MYSM1: variants seen among roughly 807,000 people sequenced by gnomAD.
The protein encoded by MYSM1 is deubiquitinase MYSM1.
MYSM1 carries 51 observed loss-of-function variants against 116.0 expected under a neutral mutation model. The observed-to-expected ratio is 0.44, with a 90% CI of 0.35 to 0.56. The LOEUF is 0.56. Among genes scored for constraint, MYSM1 ranks in the 20% least tolerant of loss-of-function variants. The pLI, the probability that MYSM1 is intolerant of heterozygous loss-of-function variation, is 0.00. For missense variants in MYSM1, 900 were observed against 974.9 expected (o/e 0.92, Z 1.02); for synonymous variants, 313 against 315.2 (o/e 0.99, Z 0.07).
intron 1 of MYSM1, among the ~76,000 whole-genome samples, chr1:58,695,981 T>G (rs1320202840): frequency 1.3e-5 from 2 of 152,200 alleles, no homozygotes; most frequent in Non-Finnish European, 2.9e-5. Flanking sequence ...TGTCTAGTGA[T>G]AAGAATTTTC....
chr1:58,666,234 A>G (rs1046444973), intron 16 of MYSM1, among the ~76,000 whole-genome samples: 2 of 152,182 alleles, frequency 1.3e-5, no homozygotes, highest in Non-Finnish European at 2.9e-5. Context: ...AATTGTATTC[A>G]CCACCCTACA....
intron 1 of MYSM1, among the ~76,000 whole-genome samples, chr1:58,698,102 A>ATATATATTTTTTTTTTTTTT: frequency 3.9e-4 from 3 of 7,776 alleles, no homozygotes; most frequent in African/African-American, 5.1e-4. Context: ...ATATATATAT[A>ATATATATTTTTTTTTTTTTT]TTTTTTTTTT....
chr1:58,661,562 A>C, intron 17 of MYSM1, 51 bp from the exon 18 acceptor site: 1 of 1,029,880 alleles, frequency 9.7e-7, no homozygotes, highest in Non-Finnish European at 1.5e-6. Context: ...TTAACTCTCC[A>C]ATCTCCTTTT....
At chr1:58,692,212 G>C (rs557708180) in intron 3 of MYSM1, among the ~76,000 whole-genome samples, 2 of 152,298 alleles carry the variant, frequency 1.3e-5, no homozygotes, top group African/African-American at 2.4e-5. Flanking sequence ...AGTGGGAACA[G>C]AGAAATTCTG....
intron 17 of MYSM1, among the ~76,000 whole-genome samples, chr1:58,662,945 T>G (rs1386062009): frequency 6.6e-6 from 1 of 152,162 alleles, no homozygotes; most frequent in African/African-American, 2.4e-5. Flanking sequence ...ATGGATACCA[T>G]CTATATAATG....
chr1:58,666,091 TA>T (rs993102921), intron 16 of MYSM1, among the ~76,000 whole-genome samples: 1 of 151,900 alleles, frequency 6.6e-6, no homozygotes, highest in African/African-American at 2.4e-5. Context: ...AAACTGCAAC[TA>T]AATCAAATGC....
Position 58,682,321 on chromosome 1 carries a change from A to G in MYSM1, c.723T>C (p.Ser241=). 1.9e-6 allele frequency: 3 copies of G among 1,613,786 alleles called. No individual in the cohort carries two copies. Among genetic ancestry groups the G allele is most frequent in the East Asian group, 2.2e-5 (1 of 44,870 alleles). The part of the protein sequence containing the change: ...ELSSQTPQKN[S]SSDLLLDFPN... ...GAAAGTCTAACAAGAGATCACTGCTAGAATTCTTCTGGGGTGTTTGAGAAG... is the reference window on the plus strand; with the variant it reads ...GAAAGTCTAACAAGAGATCACTGCTGGAATTCTTCTGGGGTGTTTGAGAAG... Residue 241 remains serine (S), a synonymous_variant, in exon 8 of 20, where the codon TCT becomes TCC. Coordinates refer to ENST00000472487, the MANE Select transcript of MYSM1 (RefSeq NM_001085487.3).
intron 3 of MYSM1, among the ~76,000 whole-genome samples, chr1:58,690,643 C>T (rs972601837): frequency 1.3e-5 from 2 of 151,290 alleles, no homozygotes; most frequent in Non-Finnish European, 2.9e-5. Context: ...AACACAAATT[C>T]GTAAACTTTC....
In MYSM1 at chr1:58,671,904, C is replaced by G; in HGVS notation, c.1627G>C (p.Val543Leu). 6.2e-7 allele frequency: 1 copy of G among 1,613,372 alleles called. No homozygotes were observed. The highest frequency in any genetic ancestry group is 1.1e-5 in the South Asian group (1 of 91,016). ...GGTCTTGGCACTTTTAAAGATTTAA[C>G]AGGTCTGCCTTTTTCCTCTTCTCTT... ...KRREEEKGRP[V>L]KSLKVPRPTK... The change falls in exon 12 of 20, where the codon GTT (valine) becomes CTT (leucine). Residue 543 changes from valine to leucine, a missense_variant. Val to Leu is a conservative substitution (Grantham distance 32). Transcript: ENST00000472487.
At chr1:58,676,776 AT>A (rs1337701046) in intron 9 of MYSM1, 149 bp downstream of exon 9, 3 of 719,330 alleles carry the variant, frequency 4.2e-6, no homozygotes, top group Non-Finnish European at 6.0e-6. Flanking sequence ...CAACAGTAAA[AT>A]CTTAATAAAA....
chr1:58,688,953 C>G (rs1270037865), intron 6 of MYSM1, 85 bp downstream of exon 6: 2 of 1,193,284 alleles, frequency 1.7e-6, no homozygotes, highest in Non-Finnish European at 2.4e-6. Flanking sequence ...AAATTCAGGT[C>G]TCTATAAATT....
intron 3 of MYSM1, among the ~76,000 whole-genome samples, chr1:58,691,938 GTTT>G (rs1322834320): frequency 6.6e-6 from 1 of 152,026 alleles, no homozygotes; most frequent in Non-Finnish European, 1.5e-5. Context: ...TCTCATTAAT[GTTT>G]TTATCTTGAT....
intron 12 of MYSM1, among the ~76,000 whole-genome samples, chr1:58,671,511 A>G (rs1644560732): frequency 6.6e-6 from 1 of 152,180 alleles, no homozygotes; most frequent in Non-Finnish European, 1.5e-5. Context: ...TTACACATGC[A>G]TTAGAAAACA....
chr1:58,673,662 T>C lies in MYSM1; in HGVS notation c.1495-12A>G. 1.9e-6 allele frequency: 3 copies of C among 1,612,098 alleles called. No individual in the cohort carries two copies. Among genetic ancestry groups the C allele is most frequent in the Non-Finnish European group, 2.5e-6 (3 of 1,178,480 alleles). On this transcript the variant is annotated splice_polypyrimidine_tract_variant and intron_variant, in intron 10 of 19. Coordinates refer to ENST00000472487, the MANE Select transcript of MYSM1 (RefSeq NM_001085487.3). Reference sequence around the variant, plus strand: ...CGTCTCCTTGTACGCTGCGATGAGATTAAAGTAAAGCAAAAGGTAGCAAGA... The same window carrying C: ...CGTCTCCTTGTACGCTGCGATGAGACTAAAGTAAAGCAAAAGGTAGCAAGA...
rs1644493877 is a variant in MYSM1, at chr1:58,667,615, T to G, written c.1842+232A>C. On this transcript the variant is annotated intron_variant, in intron 15 of 19. Transcript: ENST00000472487. Reference sequence around the variant, plus strand: ...AGTTGTAGCTTTTTACTAATAAAGGTAATGAGGACCCAAGGCCTGGCAATG... The same window carrying G: ...AGTTGTAGCTTTTTACTAATAAAGGGAATGAGGACCCAAGGCCTGGCAATG... Among the ~76,000 whole-genome samples the G allele has an allele frequency of 2.0e-5, 3 of 151,342 alleles. No homozygotes were observed. In the South Asian group the frequency reaches 6.3e-4, roughly 32 times the overall value.
chr1:58,659,929 C>T lies in MYSM1; in HGVS notation c.*68G>A. 9.3e-7 allele frequency: 1 copy of T among 1,080,556 alleles called. No homozygotes were observed. Among genetic ancestry groups the T allele is most frequent in the Non-Finnish European group, 1.3e-6 (1 of 792,996 alleles). 66.9% of individuals were successfully genotyped at this position (1,080,556 alleles called of 1,614,324 possible). On this transcript the variant is annotated 3_prime_UTR_variant, in exon 20 of 20. Transcript: ENST00000472487. ...GCTGTGCCAATGTTAACTACAATCA[C>T]TTCAAGTTTATAACTTTGAAAGTAA...
chr1:58,699,284 A>G (rs1002151241), intron 1 of MYSM1, among the ~76,000 whole-genome samples: 1 of 152,188 alleles, frequency 6.6e-6, no homozygotes, highest in African/African-American at 2.4e-5. Context: ...GGGTAACAGG[A>G]TGGTAAAGAA....
chr1:58,684,788 T>C (rs1445181614), intron 7 of MYSM1, among the ~76,000 whole-genome samples: 1 of 152,172 alleles, frequency 6.6e-6, no homozygotes, highest in Non-Finnish European at 1.5e-5. Flanking sequence ...TAAGCTCTAA[T>C]AATTCTTAAA....
Position 58,665,661 on chromosome 1 carries a change from T to G in MYSM1, c.2032-30A>C. 2.2e-6 allele frequency: 3 copies of G among 1,391,232 alleles called. No individual in the cohort carries two copies. The South Asian group carries it at 3.8e-5, about 18-fold the overall frequency. 86.2% of individuals were successfully genotyped at this position (1,391,232 alleles called of 1,614,324 possible). On this transcript the variant is annotated intron_variant, in intron 16 of 19. Transcript: ENST00000472487. ...AATGACAAGAAAAATATAATTAGTT[T>G]CAACTATATAAATTCAAAAGCCAAT... is the stretch of plus-strand genomic sequence containing the variant.
Sources: allele counts gnomAD v4.1 joint callset (sites outside exome capture counted in the v4.1 genomes callset), GRCh38; gene constraint gnomAD v4.1.1; transcripts MANE v1.5; gene names NCBI Gene and HGNC (gene_info 2026-07-23, HGNC 2026-07-21).